The following ARFGEF3 variants were observed in gnomAD, a reference collection of about 807,000 sequenced individuals.
The protein encoded by ARFGEF3 is ARFGEF family member 3.
Under a neutral mutation model 221.7 loss-of-function variants are expected in ARFGEF3, and 96 were observed. The observed-to-expected ratio is 0.43, with a 90% CI of 0.37 to 0.51. The LOEUF (loss-of-function observed/expected upper bound fraction) is 0.51, where lower values mean the gene tolerates loss of function less well. Among genes scored for constraint, ARFGEF3 ranks in the 20% least tolerant of loss-of-function variants. ARFGEF3 has a pLI of 0.00. For missense variants in ARFGEF3, 2,410 were observed against 2,789.9 expected, an observed-to-expected ratio of 0.86 and a Z score of 3.07; for synonymous variants, 1,145 against 1,126.8, an observed-to-expected ratio of 1.02 and a Z score of -0.32.
In ARFGEF3 at chr6:138,335,239, T is replaced by C. The variant is rs558248466; in HGVS notation, c.6342+51T>C. On this transcript the variant is annotated intron_variant, in intron 33 of 33. Coordinates refer to ENST00000251691, the MANE Select transcript of ARFGEF3 (RefSeq NM_020340.5). ...GGGCGGGAGGCTGGGTTTCCAGTAC[T>C]GGATGGGCCCCCCCTTGCAGAGCAG... The C allele has an allele frequency of 1.0e-5, 15 of 1,474,658 alleles. No homozygotes were observed. In the South Asian group the frequency reaches 2.1e-4, roughly 21 times the overall value. 91.3% of individuals were successfully genotyped at this position (1,474,658 alleles called of 1,614,324 possible).
rs574431247 is a variant in ARFGEF3 at position 138,243,812 on chromosome 6, G to A, written c.586+818G>A. ...TTTGAAAGAAATGAGGAAGAGACACGCCTTAAGTCACATTCTAAAGCATCA... is the reference window on the plus strand; with the variant it reads ...TTTGAAAGAAATGAGGAAGAGACACACCTTAAGTCACATTCTAAAGCATCA... On this transcript the variant is annotated intron_variant, in intron 7 of 33. Coordinates refer to ENST00000251691, the MANE Select transcript of ARFGEF3 (RefSeq NM_020340.5). Among the ~76,000 whole-genome samples the A allele has an allele frequency of 8.5e-4, 130 of 152,192 alleles. 2 individuals are homozygous for A. The highest frequency in any genetic ancestry group is 7.9e-4 in the Admixed American group (12 of 15,286).
chr6:138,329,954 G>A (rs919299970), intron 32 of ARFGEF3, among the ~76,000 whole-genome samples: 11 of 151,738 alleles, frequency 7.2e-5, no homozygotes, highest in Non-Finnish European at 1.0e-4. Flanking sequence ...CGTTTTATAG[G>A]ATTTGGGTAG....
chr6:138,298,506 C>A, intron 21 of ARFGEF3, 100 bp from the exon 22 acceptor site: 1 of 856,470 alleles, frequency 1.2e-6, no homozygotes. Flanking sequence ...AGAATTGCTG[C>A]TTCCACCTCC....
chr6:138,333,801 C>G (rs922860183), intron 32 of ARFGEF3, among the ~76,000 whole-genome samples, 169 bp from the exon 33 acceptor site: 1 of 151,828 alleles, frequency 6.6e-6, no homozygotes, highest in African/African-American at 2.4e-5. Context: ...AAATGGTTAT[C>G]ACACAGTGCC....
intron 4 of ARFGEF3, among the ~76,000 whole-genome samples, chr6:138,220,316 A>G (rs937879517): frequency 2.0e-5 from 3 of 152,180 alleles, no homozygotes; most frequent in Admixed American, 6.5e-5. Context: ...TTCTTGCTTT[A>G]TACTTTAAAT....
In ARFGEF3 at chr6:138,263,040, G is replaced by T. The variant is rs1313423671; in HGVS notation, c.1557G>T (p.Glu519Asp). The T allele has an allele frequency of 3.1e-6, 5 of 1,611,386 alleles. No individual in the cohort carries two copies. In the African/African-American group the frequency reaches 6.7e-5, roughly 22 times the overall value. The part of the protein sequence containing the change: ...TDTGQTTLEG[E>D]LGQTTPEDHS... ...CAGGCCAGACCACTCTCGAGGGAGA[G>T]TTGGGTCAGACTACACCCGAGGACC... The change falls in exon 12 of 34, where the codon GAG becomes GAT. Residue 519 changes from glutamate (E) to aspartate (D), a missense_variant. Glu to Asp is a conservative substitution (Grantham distance 45). Coordinates refer to ENST00000251691, the MANE Select transcript of ARFGEF3 (RefSeq NM_020340.5).
At chr6:138,264,004 A>G (rs1377854728) in intron 12 of ARFGEF3, among the ~76,000 whole-genome samples, 2 of 152,228 alleles carry the variant, frequency 1.3e-5, no homozygotes, top group African/African-American at 4.8e-5. Context: ...TCAAAATGTA[A>G]ACAATTTTGA....
chr6:138,262,974 C>T lies in ARFGEF3; in HGVS notation c.1491C>T (p.Asn497=), dbSNP rs755380851. Residue 497 remains asparagine, a synonymous_variant, in exon 12 of 34, where the codon AAC becomes AAT. Coordinates refer to ENST00000251691, the MANE Select transcript of ARFGEF3 (RefSeq NM_020340.5). Reference sequence around the variant, plus strand: ...AACACACGCCGTGGGAGTCAGGGAACGAGAGGAGCCTTGACATCAGCATCA... The same window carrying T: ...AACACACGCCGTGGGAGTCAGGGAATGAGAGGAGCCTTGACATCAGCATCA... ...SSEHTPWESG[N]ERSLDISISV... The T allele has an allele frequency of 2.4e-5, 39 of 1,598,344 alleles. No individual in the cohort carries two copies. In the East Asian group the frequency reaches 3.2e-4, roughly 13 times the overall value.
intron 4 of ARFGEF3, among the ~76,000 whole-genome samples, chr6:138,225,141 A>G (rs1442645730): frequency 6.6e-6 from 1 of 152,228 alleles, no homozygotes; most frequent in Non-Finnish European, 1.5e-5. Flanking sequence ...TGTCTTCGAC[A>G]TCATCTAGAT....
chr6:138,203,020 G>A (rs1380652985), intron 2 of ARFGEF3, among the ~76,000 whole-genome samples: 2 of 152,024 alleles, frequency 1.3e-5, no homozygotes, highest in African/African-American at 2.4e-5. Context: ...GACCTTGAAT[G>A]TTGAGCAGAG....
At chr6:138,215,113 G>C (rs1179865397) in intron 4 of ARFGEF3, among the ~76,000 whole-genome samples, 1 of 152,232 alleles carries the variant, frequency 6.6e-6, no homozygotes, top group African/African-American at 2.4e-5. Flanking sequence ...ATGCCAGGCA[G>C]ATTGTATAGG....
chr6:138,204,703 C>T (rs1489661223), intron 2 of ARFGEF3, among the ~76,000 whole-genome samples: 1 of 152,192 alleles, frequency 6.6e-6, no homozygotes, highest in Non-Finnish European at 1.5e-5. Context: ...CAGGATTGGT[C>T]TTCAAATGCC....
In ARFGEF3 at chr6:138,322,984, G is replaced by T. The variant is rs145178076; in HGVS notation, c.4767-687G>T. Among the ~76,000 whole-genome samples, 965 of 151,512 alleles carry T rather than the reference G, an allele frequency of 6.4e-3. 11 individuals are homozygous for T. The highest frequency in any genetic ancestry group is 0.022 in the African/African-American group (909 of 41,298). On this transcript the variant is annotated intron_variant, in intron 29 of 33. Transcript: ENST00000251691. ...CATCCTCCAAGGTGGACAGGCATGG[G>T]GGAGGTGGGGACTTTCCAAGCAGAA...
At chr6:138,172,210 G>A (rs1441536943) in intron 2 of ARFGEF3, among the ~76,000 whole-genome samples, 3 of 152,192 alleles carry the variant, frequency 2.0e-5, no homozygotes, top group African/African-American at 7.2e-5. Flanking sequence ...TGGTGCAGCT[G>A]GGATGTCCAG....
chr6:138,218,098 ATGAGGAACATTTCAT>A (rs1266656630), intron 4 of ARFGEF3: 1 of 1,613,870 alleles, frequency 6.2e-7, no homozygotes, highest in Non-Finnish European at 8.5e-7. Context: ...TCTGAAGATA[ATGAGGAACATTTCAT>A]TGAGGAACCT....
intron 25 of ARFGEF3, among the ~76,000 whole-genome samples, chr6:138,312,683 T>G (rs1038415665): frequency 6.6e-6 from 1 of 152,168 alleles, no homozygotes; most frequent in African/African-American, 2.4e-5. Context: ...GGCTAAAGGA[T>G]CTGCCAATTC....
chr6:138,328,182 A>T, intron 32 of ARFGEF3, 40 bp downstream of exon 32: 1 of 1,542,442 alleles, frequency 6.5e-7, no homozygotes, highest in Non-Finnish European at 8.8e-7. Context: ...GCTTATAAAT[A>T]AGAATGTTCA....
At chr6:138,223,562 G>C (rs1345175943) in intron 4 of ARFGEF3, among the ~76,000 whole-genome samples, 1 of 152,110 alleles carries the variant, frequency 6.6e-6, no homozygotes, top group East Asian at 1.9e-4. Context: ...CCCCAAGAAG[G>C]AGTTGTGTGT....
intron 20 of ARFGEF3, among the ~76,000 whole-genome samples, chr6:138,295,755 A>G (rs1779500759): frequency 6.6e-6 from 1 of 152,256 alleles, no homozygotes; most frequent in African/African-American, 2.4e-5. Flanking sequence ...AGTATCCCTA[A>G]TCCAAAAATC....
Sources: gnomAD v4.1 joint callset for allele counts (sites outside exome capture counted in the v4.1 genomes callset) on GRCh38, gnomAD v4.1.1 for gene constraint, MANE v1.5 for transcripts, NCBI Gene and HGNC (gene_info 2026-07-23, HGNC 2026-07-21) for gene names.